MRPS35: variants seen among roughly 807,000 people sequenced by gnomAD.
MRPS35 encodes the protein small ribosomal subunit protein mS35.
A neutral mutation model predicts 32.7 loss-of-function variants in MRPS35; 29 were observed. The ratio of observed to expected loss-of-function variants is 0.89; its 90% CI spans 0.66 to 1.21. The LOEUF is 1.21. Among genes scored for constraint, MRPS35 ranks in the 50% most tolerant of loss-of-function variants. MRPS35 has a pLI of 0.00. For synonymous variants in MRPS35, 148 were observed against 139.3 expected, an observed-to-expected ratio of 1.06 and a Z score of -0.44; for missense variants, 373 against 383.8, an observed-to-expected ratio of 0.97 and a Z score of 0.23.
At position 27,755,496 on chromosome 12, in the gene MRPS35, A is replaced by G; in HGVS notation, c.*46A>G. On this transcript the variant is annotated 3_prime_UTR_variant, in exon 8 of 8. Coordinates refer to ENST00000081029, the MANE Select transcript of MRPS35 (RefSeq NM_021821.4). ...GCTTGATTTATTAATTTTATGATAT[A>G]TGTGATCAGTATCTAATTTGATATA... is the stretch of plus-strand genomic sequence containing the variant. The G allele has an allele frequency of 2.1e-6, 3 of 1,437,386 alleles. No individual in the cohort carries two copies. The highest frequency in any genetic ancestry group is 2.8e-6 in the Non-Finnish European group (3 of 1,078,320). The allele number at this position is 1,437,386 out of a possible 1,614,324, so 89.0% of individuals were successfully genotyped here. A position where few individuals can be genotyped will look rare whatever the true frequency, so the allele number is the denominator to read the frequency against.
intron 4 of MRPS35, among the ~76,000 whole-genome samples, chr12:27,723,029 G>A (rs1209048546): frequency 6.6e-6 from 1 of 152,174 alleles, no homozygotes; most frequent in Non-Finnish European, 1.5e-5. Context: ...CTGCAGTTGT[G>A]CTTTTTTGGA....
At chr12:27,722,180 C>T (rs1328932194) in intron 4 of MRPS35, among the ~76,000 whole-genome samples, 5 of 152,180 alleles carry the variant, frequency 3.3e-5, no homozygotes, top group Non-Finnish European at 5.9e-5. Flanking sequence ...ATTCAGATTG[C>T]GTCTTCCGTA....
chr12:27,718,706 C>CTTA (rs1306191434), intron 3 of MRPS35, among the ~76,000 whole-genome samples: 2 of 152,198 alleles, frequency 1.3e-5, no homozygotes, highest in African/African-American at 4.8e-5. Flanking sequence ...GCTACCTTCA[C>CTTA]TTATTAGTTC....
intron 5 of MRPS35, among the ~76,000 whole-genome samples, chr12:27,726,317 A>C (rs2061900513): frequency 6.6e-6 from 1 of 152,034 alleles, no homozygotes; most frequent in African/African-American, 2.4e-5. Flanking sequence ...CTGTTGTAGC[A>C]TGTATTATTT....
At position 27,737,724 on chromosome 12, in the gene MRPS35, C is replaced by T. The variant is rs933734053; in HGVS notation, c.702+116C>T. 9 of 768,902 alleles carry T rather than the reference C, an allele frequency of 1.2e-5. No individual in the cohort carries two copies. The African/African-American group carries it at 1.4e-4, about 12-fold the overall frequency. 47.6% of individuals were successfully genotyped at this position (768,902 alleles called of 1,614,324 possible). A position where few individuals can be genotyped will look rare whatever the true frequency, so the allele number is the denominator to read the frequency against. On this transcript the variant is annotated intron_variant, in intron 7 of 7. Transcript: ENST00000081029. ...AGTATTTTGTGAACTGCTGAATAAT[C>T]TAAGTATGTATGAAATGTCATAGGT...
At chr12:27,714,733 G>C in intron 1 of MRPS35, 47 bp from the exon 2 acceptor site, 1 of 1,441,106 alleles carries the variant, frequency 6.9e-7, no homozygotes, top group Admixed American at 1.8e-5. Context: ...CAACTAACTT[G>C]ACATGATAAA....
At chr12:27,715,741 C>T (rs188544787) in intron 2 of MRPS35, among the ~76,000 whole-genome samples, 1 of 152,198 alleles carries the variant, frequency 6.6e-6, no homozygotes, top group East Asian at 1.9e-4. Context: ...TGTATGTGGG[C>T]CATCCCCTCG....
chr12:27,748,131 C>T (rs778375910), intron 7 of MRPS35, among the ~76,000 whole-genome samples: 7 of 152,206 alleles, frequency 4.6e-5, no homozygotes, highest in Non-Finnish European at 7.3e-5. Context: ...GGCCTTCATT[C>T]ATTTCCTCGA....
At chr12:27,717,731 C>T (rs571814691) in intron 3 of MRPS35, among the ~76,000 whole-genome samples, 1 of 152,276 alleles carries the variant, frequency 6.6e-6, no homozygotes, top group South Asian at 2.1e-4. Flanking sequence ...TGGAGAATCA[C>T]TGGGTGAGAG....
intron 3 of MRPS35, among the ~76,000 whole-genome samples, chr12:27,718,804 T>G (rs1253512041): frequency 6.6e-6 from 1 of 152,206 alleles, no homozygotes; most frequent in African/African-American, 2.4e-5. Context: ...ATCCATATCC[T>G]GGCCGGGCAC....
In MRPS35 at chr12:27,732,265, A is replaced by C. The variant is rs117023365; in HGVS notation, c.523-3182A>C. Among the ~76,000 whole-genome samples the C allele has an allele frequency of 1.2e-4, 18 of 152,344 alleles. No homozygotes were observed. The East Asian group carries it at 3.5e-3, about 29-fold the overall frequency. On this transcript the variant is annotated intron_variant, in intron 5 of 7. Transcript: ENST00000081029. ...CTCCGTCTTCAGTCCTAGAATTGACATCCAATGTCCCTACTGGTTCTAAGT... is the reference window on the plus strand; with the variant it reads ...CTCCGTCTTCAGTCCTAGAATTGACCTCCAATGTCCCTACTGGTTCTAAGT...
At chr12:27,735,815 AAG>A (rs1261176543) in intron 6 of MRPS35, among the ~76,000 whole-genome samples, 1 of 152,236 alleles carries the variant, frequency 6.6e-6, no homozygotes, top group Non-Finnish European at 1.5e-5. Context: ...TATAAAACTC[AAG>A]AGAGAGATTA....
intron 4 of MRPS35, among the ~76,000 whole-genome samples, chr12:27,723,229 G>C (rs1235064817): frequency 6.6e-6 from 1 of 151,806 alleles, no homozygotes; most frequent in Non-Finnish European, 1.5e-5. Flanking sequence ...GATGAAATCA[G>C]CTCTGATACC....
In MRPS35 at chr12:27,716,408, G is replaced by C. The variant is rs1593463439; in HGVS notation, c.271G>C (p.Val91Leu). 4 of 1,614,092 alleles carry C rather than the reference G, an allele frequency of 2.5e-6. No individual in the cohort carries two copies. The Middle Eastern group carries it at 4.9e-4, about 200-fold the overall frequency. The change falls in exon 3 of 8, where the codon GTA (valine) becomes CTA (leucine). Residue 91 changes from valine (V) to leucine (L), a missense_variant. Physicochemically the swap from Val to Leu is conservative, Grantham distance 32 (BLOSUM62 1). Coordinates refer to ENST00000081029, the MANE Select transcript of MRPS35 (RefSeq NM_021821.4). The stretch of plus-strand genomic sequence containing the variant: ...TCTTCCTGTTCGAATGGGTTATCCA[G>C]TAAAAAAGGGCGTGCCCATGGCAAA... ...VPLPVRMGYP[V>L]KKGVPMAKEG...
In MRPS35 at chr12:27,724,119, A is replaced by C. The variant is rs748092551; in HGVS notation, c.455A>C (p.Asp152Ala). Residue 152 changes from aspartate to alanine, a missense_variant, in exon 5 of 8, where the codon GAC (aspartate) becomes GCC (alanine). Physicochemically the swap from Asp to Ala is moderately radical, Grantham distance 126 (BLOSUM62 -2). Transcript: ENST00000081029. Reference sequence around the variant, plus strand: ...GAGAAGCATTTTCCAATTGAAATTGACAGCACTGATTATGTTTCATCAGGA... The same window carrying C: ...GAGAAGCATTTTCCAATTGAAATTGCCAGCACTGATTATGTTTCATCAGGA... The part of the protein sequence containing the change: ...KCEKHFPIEI[D>A]STDYVSSGPS... 5.6e-6 allele frequency: 9 copies of C among 1,613,516 alleles called. No individual in the cohort carries two copies. The Admixed American group carries it at 1.5e-4, about 27-fold the overall frequency.
At chr12:27,735,366 A>T in intron 5 of MRPS35, 81 bp from the exon 6 acceptor site, 2 of 1,014,662 alleles carry the variant, frequency 2.0e-6, no homozygotes, top group Non-Finnish European at 2.9e-6. Flanking sequence ...ATTTAATGTT[A>T]ATAGGAATAA....
chr12:27,735,563 G>T lies in MRPS35; in HGVS notation c.632+7G>T. 4 of 1,596,840 alleles carry T rather than the reference G, an allele frequency of 2.5e-6. No individual in the cohort carries two copies. Among genetic ancestry groups the T allele is most frequent in the Non-Finnish European group, 3.4e-6 (4 of 1,168,118 alleles). ...TTACCATCAAAACAGATAGGTAATG[G>T]AAAAAATGTTCAGCCGACTGGTCAC... On this transcript the variant is annotated splice_region_variant and intron_variant, in intron 6 of 7. Transcript: ENST00000081029.
At chr12:27,735,752 A>C (rs1440437958) in intron 6 of MRPS35, among the ~76,000 whole-genome samples, 196 bp downstream of exon 6, 1 of 152,224 alleles carries the variant, frequency 6.6e-6, no homozygotes, top group East Asian at 1.9e-4. Context: ...ATGCAGCGGC[A>C]TGCTTAGCTA....
intron 5 of MRPS35, among the ~76,000 whole-genome samples, chr12:27,731,062 A>G (rs1046957871): frequency 5.3e-5 from 8 of 152,150 alleles, no homozygotes; most frequent in Admixed American, 2.0e-4. Flanking sequence ...ATTTTACACT[A>G]TGTGTCATAA....
Sources: allele counts gnomAD v4.1 joint callset (sites outside exome capture counted in the v4.1 genomes callset), GRCh38; gene constraint gnomAD v4.1.1; transcripts MANE v1.5; gene names NCBI Gene and HGNC (gene_info 2026-07-23, HGNC 2026-07-21).